The following HMGB1 variants were observed in gnomAD, a reference collection of about 807,000 sequenced individuals.
HMGB1 encodes high mobility group box 1.
For missense variants in HMGB1, 79 were observed against 253.5 expected, an observed-to-expected ratio of 0.31 and a Z score of 4.67; for synonymous variants, 81 against 84.0, an observed-to-expected ratio of 0.96 and a Z score of 0.19.
At chr13:30,464,718 C>G in intron 1 of HMGB1, 1 of 843,504 alleles carries the variant, frequency 1.2e-6, no homozygotes. Flanking sequence ...TGCGCCGCCG[C>G]CGCCGCGAGG....
chr13:30,509,084 C>A (rs1445838289), intron 1 of HMGB1, among the ~76,000 whole-genome samples: 1 of 152,014 alleles, frequency 6.6e-6, no homozygotes. Flanking sequence ...ACAGGTGCGC[C>A]ACCATGCCCT....
chr13:30,481,500 C>A (rs1276588835), intron 1 of HMGB1, among the ~76,000 whole-genome samples: 1 of 152,262 alleles, frequency 6.6e-6, no homozygotes, highest in Admixed American at 6.5e-5. Context: ...GAATGCGTAT[C>A]TCCAAAAGCT....
intron 1 of HMGB1, among the ~76,000 whole-genome samples, chr13:30,515,575 G>A (rs1888084700): frequency 6.6e-6 from 1 of 151,784 alleles, no homozygotes. Flanking sequence ...CGCCAGTAAG[G>A]TCATAATGCC....
intron 1 of HMGB1, among the ~76,000 whole-genome samples, chr13:30,527,803 A>G (rs1482284053): frequency 6.6e-6 from 1 of 152,154 alleles, no homozygotes; most frequent in Non-Finnish European, 1.5e-5. Context: ...CCAAGGTCAT[A>G]TAGCCAAATG....
intron 1 of HMGB1, among the ~76,000 whole-genome samples, chr13:30,522,365 A>G (rs1206865718): frequency 1.3e-5 from 2 of 152,030 alleles, no homozygotes; most frequent in African/African-American, 2.4e-5. Context: ...CAGCCTCTTA[A>G]AGTGTTGGGA....
chr13:30,465,906 A>G lies in HMGB1; in HGVS notation c.-125T>C, dbSNP rs1267338193. 55 of 985,774 alleles carry G rather than the reference A, an allele frequency of 5.6e-5. No homozygotes were observed. The highest frequency in any genetic ancestry group is 6.4e-5 in the Non-Finnish European group (53 of 829,986). 61.1% of individuals were successfully genotyped at this position (985,774 alleles called of 1,614,324 possible). On this transcript the variant is annotated 5_prime_UTR_variant, in exon 1 of 5. Transcript: ENST00000341423. ...GGCTGTGAGAGCGGGAGCCAGACGC[A>G]GCCTCCTCACTCTCTCCGCTCTGTA...
At chr13:30,614,167 A>G (rs1448000787) in intron 1 of HMGB1, among the ~76,000 whole-genome samples, 1 of 152,236 alleles carries the variant, frequency 6.6e-6, no homozygotes, top group Non-Finnish European at 1.5e-5. Context: ...AACTGGTAGC[A>G]CTGGTTGCTT....
At chr13:30,517,491 AC>A (rs1186155460) in intron 1 of HMGB1, among the ~76,000 whole-genome samples, 2 of 152,176 alleles carry the variant, frequency 1.3e-5, no homozygotes, top group Non-Finnish European at 2.9e-5. Flanking sequence ...TGCAACCTCC[AC>A]CTCCAGGGTT....
intron 1 of HMGB1, among the ~76,000 whole-genome samples, chr13:30,596,548 A>G (rs370049953): frequency 1.7e-4 from 26 of 152,354 alleles, no homozygotes; most frequent in African/African-American, 6.3e-4. Flanking sequence ...TCAAAGAACA[A>G]AACCAGCAAG....
intron 1 of HMGB1, among the ~76,000 whole-genome samples, chr13:30,590,858 C>G (rs1032358007): frequency 6.6e-6 from 1 of 152,144 alleles, no homozygotes; most frequent in Non-Finnish European, 1.5e-5. Context: ...TCCCAAGACA[C>G]TGAATCTGCC....
chr13:30,578,261 G>A (rs1180819197), intron 1 of HMGB1, among the ~76,000 whole-genome samples: 1 of 150,902 alleles, frequency 6.6e-6, no homozygotes, highest in African/African-American at 2.4e-5. Context: ...CCTTTTGCAA[G>A]CCTTTATTTA....
chr13:30,582,636 T>TAAA (rs34280376), intron 1 of HMGB1, among the ~76,000 whole-genome samples: 10 of 136,456 alleles, frequency 7.3e-5, no homozygotes, highest in South Asian at 2.3e-4. Context: ...AGACTCCATC[T>TAAA]AAAAAAAAAA....
intron 1 of HMGB1, among the ~76,000 whole-genome samples, chr13:30,471,654 CTTTTTTTTTTTTTTTTT>C (rs1171119586): frequency 4.3e-4 from 13 of 30,566 alleles, no homozygotes; most frequent in Non-Finnish European, 6.2e-4. Flanking sequence ...CGTGCCCGGC[CTTTTTTTTTTTTTTTTT>C]TTTTTTTTTT....
At chr13:30,496,941 T>C (rs1256088093) in intron 1 of HMGB1, among the ~76,000 whole-genome samples, 1 of 152,038 alleles carries the variant, frequency 6.6e-6, no homozygotes, top group Non-Finnish European at 1.5e-5. Flanking sequence ...TCACAAGTAG[T>C]GTCTCTTTTA....
At position 30,564,201 on chromosome 13, in the gene HMGB1, G is replaced by A. The variant is rs531943735; in HGVS notation, c.-15+52470C>T. Among the ~76,000 whole-genome samples the A allele has an allele frequency of 5.3e-3, 810 of 151,420 alleles. 8 individuals carry two copies. The highest frequency in any genetic ancestry group is 6.7e-3 in the Non-Finnish European group (452 of 67,910). Reference sequence around the variant, plus strand: ...TAATCCCAGCACTCTGGGAGGCCGCGGTGAGCGGATTGCTTGAGCCCAGGA... The same window carrying A: ...TAATCCCAGCACTCTGGGAGGCCGCAGTGAGCGGATTGCTTGAGCCCAGGA... On this transcript the variant is annotated intron_variant, in intron 1 of 4. Coordinates refer to the HMGB1 transcript ENST00000405805.
chr13:30,464,034 T>G, intron 1 of HMGB1: 1 of 907,534 alleles, frequency 1.1e-6, no homozygotes, highest in Non-Finnish European at 1.3e-6. Context: ...AACACCATTT[T>G]AAACCAACCA....
At chr13:30,606,203 T>A (rs9579618) in intron 1 of HMGB1, among the ~76,000 whole-genome samples, 1 of 152,188 alleles carries the variant, frequency 6.6e-6, no homozygotes, top group African/African-American at 2.4e-5. Flanking sequence ...GAAGGATAGT[T>A]TTTTAGGGTA....
chr13:30,564,182 C>CA (rs1870083398), intron 1 of HMGB1, among the ~76,000 whole-genome samples: 1 of 150,738 alleles, frequency 6.6e-6, no homozygotes, highest in Non-Finnish European at 1.5e-5. Flanking sequence ...CCTGTAATCC[C>CA]AGCACTCTGG....
intron 4 of HMGB1, 147 bp from the exon 5 acceptor site, chr13:30,461,680 T>C (rs371604035): frequency 2.5e-5 from 40 of 1,577,870 alleles, no homozygotes; most frequent in Non-Finnish European, 3.2e-5. Context: ...ACTCCAGAAA[T>C]AACTAGAACT....
Sources: gnomAD v4.1 joint callset for allele counts (sites outside exome capture counted in the v4.1 genomes callset) on GRCh38, gnomAD v4.1.1 for gene constraint, MANE v1.5 for transcripts, NCBI Gene and HGNC (gene_info 2026-07-23, HGNC 2026-07-21) for gene names.